Variants in ADGRE2 observed in about 807,000 individuals in gnomAD.
The protein encoded by ADGRE2 is CD97 antigen.
Under a neutral mutation model 100.8 loss-of-function variants are expected in ADGRE2, and 83 were observed. The ratio of observed to expected loss-of-function variants is 0.82; its 90% CI spans 0.69 to 0.99. The LOEUF (loss-of-function observed/expected upper bound fraction) is 0.99, where lower values mean the gene tolerates loss of function less well. ADGRE2 is among the 50% of genes least tolerant of loss of function. The pLI, the probability that ADGRE2 is intolerant of heterozygous loss-of-function variation, is 0.00. For missense variants in ADGRE2, 814 were observed against 1,035.7 expected (o/e 0.79, Z 2.94); for synonymous variants, 355 against 413.0 (o/e 0.86, Z 1.70).
intron 20 of ADGRE2, among the ~76,000 whole-genome samples, chr19:14,736,746 T>TTAGAAATATAGATATC (rs2042758476): frequency 6.9e-6 from 1 of 145,098 alleles, no homozygotes; most frequent in Admixed American, 6.9e-5. Context: ...ATATAGATAT[T>TTAGAAATATAGATATC]TAGAAATATA....
chr19:14,727,024 CTTTTTTTTTT>C, the ADGRE2 span, among the ~76,000 whole-genome samples: 5 of 70,106 alleles, frequency 7.1e-5, no homozygotes, highest in African/African-American at 1.9e-4. Flanking sequence ...AGAAAAGAGG[CTTTTTTTTTT>C]TTTTTTTTTT....
intron 14 of ADGRE2, among the ~76,000 whole-genome samples, chr19:14,753,306 G>A (rs772715262): frequency 5.3e-5 from 8 of 151,946 alleles, no homozygotes; most frequent in Non-Finnish European, 7.4e-5. Context: ...AGCTAGCTTC[G>A]TGCCAGAACC....
chr19:14,732,196 A>G (rs2147054530), downstream of ADGRE2: 1 of 152,280 alleles, frequency 6.6e-6, no homozygotes, highest in African/African-American at 2.4e-5. Context: ...TTGAACGTTT[A>G]TGGCAGCCCT....
intron 5 of ADGRE2, among the ~76,000 whole-genome samples, chr19:14,770,675 T>TTTCTTTTTC (rs1568623187): frequency 9.2e-5 from 10 of 109,160 alleles, no homozygotes; most frequent in Admixed American, 3.0e-4. Context: ...TTTTCTTTTT[T>TTTCTTTTTC]TTTTTTTTTT....
downstream of ADGRE2, chr19:14,731,647 T>TAA (rs143619378): frequency 0.17 from 26,537 of 155,710 alleles, 2,496 homozygotes; most frequent in East Asian, 0.24. Flanking sequence ...AACTCTACCT[T>TAA]AAAGCCGTAT....
intron 20 of ADGRE2, among the ~76,000 whole-genome samples, chr19:14,743,184 T>C (rs1422514350): frequency 2.6e-5 from 4 of 152,046 alleles, no homozygotes; most frequent in African/African-American, 9.7e-5. Flanking sequence ...GGTGATCCTC[T>C]TGCCTAGGCC....
In ADGRE2 at chr19:14,755,834, C is replaced by T; in HGVS notation, c.1236G>A (p.Lys412=). 1 of 1,614,206 alleles carries T rather than the reference C, an allele frequency of 6.2e-7. No individual in the cohort carries two copies. The highest frequency in any genetic ancestry group is 8.5e-7 in the Non-Finnish European group (1 of 1,180,050). The change falls in exon 13 of 21, where the codon AAG becomes AAA. Residue 412 remains lysine (K), a synonymous_variant. Transcript: ENST00000315576. ...VGLVSIPGMG[K]LLAEAPLVLE... is the part of the protein sequence containing the mutation. ...GGACCAGAGGGGCCTCAGCCAGCAA[C>T]TTGCCCATCCCTGGAATGGAGACAA...
rs1235977302 is a variant in ADGRE2 at position 14,778,243 on chromosome 19, A to T, written c.-172+14T>A. ...ATGGCAAAGCTCTGTTTCTTCAAAA[A>T]GAAAAAAAATTACCTGGGCTTGGTG... On this transcript the variant is annotated intron_variant, in intron 1 of 20. Transcript: ENST00000315576. 1 of 152,280 alleles carries T rather than the reference A, an allele frequency of 6.6e-6. No homozygotes were observed. Among genetic ancestry groups the T allele is most frequent in the African/African-American group, 2.4e-5 (1 of 41,434 alleles). The allele number at this position is 152,280 out of a possible 1,614,324, so 9.4% of individuals were successfully genotyped here.
intron 5 of ADGRE2, 126 bp downstream of exon 5, chr19:14,772,216 G>T: frequency 2.2e-6 from 3 of 1,357,898 alleles, no homozygotes; most frequent in Non-Finnish European, 2.1e-6. Context: ...ATGCACACCT[G>T]TCTCATCTCA....
chr19:14,747,485 G>C (rs1491001509), intron 16 of ADGRE2, among the ~76,000 whole-genome samples: 1 of 152,012 alleles, frequency 6.6e-6, no homozygotes, highest in Admixed American at 6.6e-5. Context: ...GGGCAACAGA[G>C]CAAGACCTAT....
At chr19:14,731,256 A>T, downstream of ADGRE2, 1 of 1,425,268 alleles carries the variant, frequency 7.0e-7, no homozygotes, top group African/African-American at 1.4e-5. Context: ...TCTGGATATC[A>T]AAGGATCACT....
At chr19:14,729,374 T>G (rs1408548701), downstream of ADGRE2, among the ~76,000 whole-genome samples, 1 of 152,064 alleles carries the variant, frequency 6.6e-6, no homozygotes, top group Non-Finnish European at 1.5e-5. Flanking sequence ...TTTTTTTTGT[T>G]TTTTGAGACA....
At chr19:14,766,669 CCTCA>C (rs2043990249) in intron 6 of ADGRE2, among the ~76,000 whole-genome samples, 3 of 152,212 alleles carry the variant, frequency 2.0e-5, no homozygotes. Context: ...CTGCTCCCTC[CCTCA>C]CTATGGTGGA....
chr19:14,751,949 T>C (rs1273172997), intron 15 of ADGRE2, among the ~76,000 whole-genome samples: 2 of 124,470 alleles, frequency 1.6e-5, no homozygotes, highest in South Asian at 2.5e-4. Context: ...TTTTTTTTTT[T>C]TGAGACGGAA....
Position 14,752,374 on chromosome 19 carries a change from C to T in ADGRE2, c.1743G>A (p.Leu581=). The T allele has an allele frequency of 6.2e-7, 1 of 1,614,128 alleles. No individual in the cohort carries two copies. The highest frequency in any genetic ancestry group is 8.5e-7 in the Non-Finnish European group (1 of 1,180,018). The stretch of plus-strand genomic sequence containing the variant: ...TTGCCACGAGGAAGAGGAGGTGGGC[C>T]AGGAAGAGGCAGAGCGAGAGCTGCA... The part of the protein sequence containing the change: ...LHLQLSLCLF[L]AHLLFLVAID... The change falls in exon 15 of 21, where the codon CTG becomes CTA. Residue 581 remains leucine (L), a synonymous_variant. Coordinates refer to ENST00000315576, the MANE Select transcript of ADGRE2 (RefSeq NM_013447.4).
chr19:14,763,060 G>A (rs886461162), intron 11 of ADGRE2, among the ~76,000 whole-genome samples: 15 of 152,144 alleles, frequency 9.9e-5, no homozygotes, highest in Non-Finnish European at 2.1e-4. Flanking sequence ...TATGCAGGCC[G>A]GGCGTGGTGG....
the ADGRE2 span, among the ~76,000 whole-genome samples, chr19:14,726,127 C>G: frequency 6.6e-6 from 1 of 152,138 alleles, no homozygotes; most frequent in South Asian, 2.1e-4. Context: ...CTGGAACCAC[C>G]AAAGCTTACA....
intron 20 of ADGRE2, among the ~76,000 whole-genome samples, chr19:14,740,731 T>A (rs1381323035): frequency 6.7e-6 from 1 of 149,904 alleles, no homozygotes; most frequent in Non-Finnish European, 1.5e-5. Context: ...CTTTAAAAAA[T>A]TTATTATTTA....
chr19:14,777,158 G>C, intron 1 of ADGRE2: 10 of 951,512 alleles, frequency 1.1e-5, no homozygotes, highest in Middle Eastern at 5.4e-4. Context: ...GCAGCCGGGC[G>C]GGGCGGTCTC....
Sources: gnomAD v4.1 joint callset for allele counts (sites outside exome capture counted in the v4.1 genomes callset) on GRCh38, gnomAD v4.1.1 for gene constraint, MANE v1.5 for transcripts, NCBI Gene and HGNC (gene_info 2026-07-23, HGNC 2026-07-21) for gene names.